SRRM4: variants seen among roughly 807,000 people sequenced by gnomAD.
SRRM4 encodes serine/arginine repetitive matrix 4.
In SRRM4, 33 loss-of-function variants were observed where a neutral mutation model predicts 68.9. The ratio of observed to expected loss-of-function variants is 0.48; its 90% CI spans 0.36 to 0.64. SRRM4 has a LOEUF of 0.64. Among genes scored for constraint, SRRM4 ranks in the 30% least tolerant of loss-of-function variants. The pLI is 0.00. For missense variants in SRRM4, 817 were observed against 827.1 expected, an observed-to-expected ratio of 0.99 and a Z score of 0.15; for synonymous variants, 318 against 318.8, an observed-to-expected ratio of 1.00 and a Z score of 0.03.
intron 1 of SRRM4, among the ~76,000 whole-genome samples, chr12:119,050,233 ACTTGTT>A: frequency 6.6e-6 from 1 of 152,290 alleles, no homozygotes; most frequent in Non-Finnish European, 1.5e-5. Context: ...AAGGACACTC[ACTTGTT>A]CTAGGCATAA....
chr12:119,090,402 T>C (rs1954007769), intron 1 of SRRM4, among the ~76,000 whole-genome samples: 1 of 151,984 alleles, frequency 6.6e-6, no homozygotes, highest in Non-Finnish European at 1.5e-5. Context: ...AAAGATATAG[T>C]TTCAACTGGA....
chr12:119,150,975 G>C, intron 9 of SRRM4, 42 bp from the exon 10 acceptor site: 2 of 1,587,218 alleles, frequency 1.3e-6, no homozygotes, highest in Non-Finnish European at 1.7e-6. Flanking sequence ...TGCTCCCAGA[G>C]TAGTGGGCAG....
At chr12:119,129,878 T>C (rs1053449058) in intron 7 of SRRM4, among the ~76,000 whole-genome samples, 9 of 148,490 alleles carry the variant, frequency 6.1e-5, no homozygotes, top group Non-Finnish European at 1.3e-4. Context: ...GACAAATGGA[T>C]GGATGGATGG....
At chr12:119,135,571 G>A (rs1565916675) in intron 8 of SRRM4, among the ~76,000 whole-genome samples, 1 of 152,070 alleles carries the variant, frequency 6.6e-6, no homozygotes. Context: ...GAGACCCTAG[G>A]TGACAGCAAT....
rs186288354 is a variant in SRRM4 at position 119,024,536 on chromosome 12, C to G, written c.131+42523C>G. Reference sequence around the variant, plus strand: ...GCCCTGCTCCTCATAAGCCCATTCTCTGTGTCTATTCTACTCAGCGTATCT... The same window carrying G: ...GCCCTGCTCCTCATAAGCCCATTCTGTGTGTCTATTCTACTCAGCGTATCT... On this transcript the variant is annotated intron_variant, in intron 1 of 12. Transcript: ENST00000267260. 2.6e-5 allele frequency among the ~76,000 whole-genome samples: 4 copies of G among 152,356 alleles called. No homozygotes were observed. In the East Asian group the frequency reaches 7.7e-4, roughly 29 times the overall value.
intron 6 of SRRM4, among the ~76,000 whole-genome samples, chr12:119,123,416 C>A (rs1387768579): frequency 6.6e-6 from 1 of 152,062 alleles, no homozygotes; most frequent in Non-Finnish European, 1.5e-5. Flanking sequence ...ACGTTCCCAG[C>A]AATCTCGGTG....
intron 2 of SRRM4, among the ~76,000 whole-genome samples, chr12:119,108,855 C>T (rs997347069): frequency 6.6e-6 from 1 of 152,112 alleles, no homozygotes; most frequent in Non-Finnish European, 1.5e-5. Context: ...TGAATTTGAT[C>T]CTGTCATTAT....
At chr12:119,156,446 G>T in intron 12 of SRRM4, 49 bp from the exon 13 acceptor site, 1 of 1,524,412 alleles carries the variant, frequency 6.6e-7, no homozygotes, top group Non-Finnish European at 8.8e-7. Flanking sequence ...TCGCTGCGGG[G>T]AGGCACGGAG....
intron 2 of SRRM4, among the ~76,000 whole-genome samples, chr12:119,107,804 G>T (rs1307876157): frequency 6.6e-6 from 1 of 151,570 alleles, no homozygotes; most frequent in East Asian, 1.9e-4. Flanking sequence ...AGGGTTTTTT[G>T]TGTATCTCCT....
At chr12:119,118,087 A>C (rs1359324767) in intron 4 of SRRM4, among the ~76,000 whole-genome samples, 1 of 152,194 alleles carries the variant, frequency 6.6e-6, no homozygotes, top group African/African-American at 2.4e-5. Flanking sequence ...TCCCACGAGC[A>C]ACCATCCCCT....
intron 1 of SRRM4, among the ~76,000 whole-genome samples, chr12:119,041,558 A>G (rs1594039839): frequency 6.6e-6 from 1 of 152,254 alleles, no homozygotes; most frequent in East Asian, 1.9e-4. Flanking sequence ...TATGGATCCC[A>G]TGGACATTTC....
chr12:119,117,280 G>GT (rs1565912028), intron 4 of SRRM4, among the ~76,000 whole-genome samples: 1 of 152,138 alleles, frequency 6.6e-6, no homozygotes, highest in African/African-American at 2.4e-5. Flanking sequence ...CTAGAACAAG[G>GT]AGTGGAAAGC....
chr12:119,082,202 G>C (rs1042775259), intron 1 of SRRM4, among the ~76,000 whole-genome samples: 1 of 152,090 alleles, frequency 6.6e-6, no homozygotes, highest in Non-Finnish European at 1.5e-5. Flanking sequence ...GGGCTCAGCC[G>C]CTCCTTTGAA....
intron 1 of SRRM4, among the ~76,000 whole-genome samples, chr12:119,057,004 G>T (rs1953780226): frequency 6.6e-6 from 1 of 152,120 alleles, no homozygotes; most frequent in Non-Finnish European, 1.5e-5. Context: ...TATTTGGTAA[G>T]CAACATTACT....
intron 8 of SRRM4, chr12:119,132,155 C>G (rs1027397736): frequency 1.3e-5 from 2 of 152,200 alleles, no homozygotes; most frequent in African/African-American, 4.8e-5. Flanking sequence ...TTACTGAGTC[C>G]TTGCAGATGG....
chr12:119,020,658 A>G (rs114159335), intron 1 of SRRM4, among the ~76,000 whole-genome samples: 190 of 152,324 alleles, frequency 1.2e-3, no homozygotes, highest in African/African-American at 4.5e-3. Context: ...CCTGAAGAGG[A>G]TCATTCACGT....
At chr12:118,982,639 G>A (rs1438716815) in intron 1 of SRRM4, among the ~76,000 whole-genome samples, 3 of 150,000 alleles carry the variant, frequency 2.0e-5, no homozygotes, top group Non-Finnish European at 4.4e-5. Flanking sequence ...TTCCAAGATC[G>A]TGAAGATGAT....
At chr12:119,114,512 T>C in intron 3 of SRRM4, 148 bp downstream of exon 3, 1 of 612,832 alleles carries the variant, frequency 1.6e-6, no homozygotes, top group East Asian at 2.9e-5. Flanking sequence ...TCACTTTACA[T>C]CTCTGTTCCT....
intron 1 of SRRM4, among the ~76,000 whole-genome samples, chr12:119,063,826 G>A: frequency 6.6e-6 from 1 of 152,112 alleles, no homozygotes; most frequent in Admixed American, 6.5e-5. Flanking sequence ...ACAAAATATA[G>A]TATCTATTCT....
Sources: allele counts gnomAD v4.1 joint callset (sites outside exome capture counted in the v4.1 genomes callset), GRCh38; gene constraint gnomAD v4.1.1; transcripts MANE v1.5; gene names NCBI Gene and HGNC (gene_info 2026-07-23, HGNC 2026-07-21).